ZFP90: variants seen among roughly 807,000 people sequenced by gnomAD.
ZFP90 encodes the protein ZFP90 zinc finger protein.
ZFP90 carries 38 observed loss-of-function variants against 60.8 expected under a neutral mutation model. That is an observed-to-expected ratio of 0.62 (90% CI 0.48 to 0.82). The LOEUF (loss-of-function observed/expected upper bound fraction) is 0.82. Ranked by LOEUF, ZFP90 falls within the 40% of genes least tolerant of loss-of-function variation. ZFP90 has a pLI of 0.00. For missense variants in ZFP90, 711 were observed against 759.1 expected, an observed-to-expected ratio of 0.94 and a Z score of 0.74; for synonymous variants, 287 against 264.8, an observed-to-expected ratio of 1.08 and a Z score of -0.82.
Position 68,564,715 on chromosome 16 carries a change from G to C in ZFP90, c.*17G>C. The C allele has an allele frequency of 6.3e-7, 1 of 1,576,514 alleles. No homozygotes were observed. The highest frequency in any genetic ancestry group is 8.6e-7 in the Non-Finnish European group (1 of 1,165,532). The stretch of plus-strand genomic sequence containing the variant: ...AAACTCTAGGAACCGTGAAATTAAG[G>C]AATTTGCAGAATGCTTTAGCTAAAA... On this transcript the variant is annotated 3_prime_UTR_variant, in exon 5 of 5. Transcript: ENST00000563169.
intron 2 of ZFP90, among the ~76,000 whole-genome samples, chr16:68,545,089 C>T (rs1053595991): frequency 9.2e-5 from 14 of 151,792 alleles, no homozygotes. Flanking sequence ...TCATGTTATC[C>T]AGGATGGTTT....
At chr16:68,561,647 G>A (rs1472736141) in intron 4 of ZFP90, among the ~76,000 whole-genome samples, 1 of 152,082 alleles carries the variant, frequency 6.6e-6, no homozygotes, top group South Asian at 2.1e-4. Context: ...TTATCTGTGT[G>A]GCAGAGCATA....
chr16:68,533,879 AT>A (rs1378018406), intron 2 of ZFP90: 1 of 152,140 alleles, frequency 6.6e-6, no homozygotes, highest in Non-Finnish European at 1.5e-5. Context: ...TCTCTCTAGG[AT>A]TTTAAAGATC....
Position 68,565,731 on chromosome 16 carries a change from A to AAT in ZFP90, c.*1033_*1034insAT. On this transcript the variant is annotated 3_prime_UTR_variant, in exon 5 of 5. Transcript: ENST00000563169. ...TTTCCCGTTAATTTTCTTGCAGAAA[A>AAT]GTTAAGTCTAATTGCCCATTGCCAT... The AAT allele has an allele frequency of 1.1e-6, 1 of 893,732 alleles. No homozygotes were observed. The highest frequency in any genetic ancestry group is 1.3e-6 in the Non-Finnish European group (1 of 788,278). The allele number at this position is 893,732 out of a possible 1,614,324, so 55.4% of individuals were successfully genotyped here.
chr16:68,563,121 C>G lies in ZFP90; in HGVS notation c.334C>G (p.Leu112Val). Residue 112 changes from leucine to valine, a missense_variant, in exon 5 of 5, where the codon CTC (leucine) becomes GTC (valine). Physicochemically the swap from Leu to Val is conservative, Grantham distance 32 (BLOSUM62 1). Around this residue, in one of 5 missense-constraint regions of ZFP90, gnomAD observed 241 missense variants for 247.6 expected, o/e 0.97. Coordinates refer to ENST00000563169, the MANE Select transcript of ZFP90 (RefSeq NM_001305203.2). ...AGAAGTATCCCACTGCACACATGAT[C>G]TCTTACATGCTACATTAGAAGACTC... The part of the protein sequence containing the change: ...VSEVSHCTHD[L>V]LHATLEDSWD... 6.2e-7 allele frequency: 1 copy of G among 1,614,122 alleles called. No individual in the cohort carries two copies. Among genetic ancestry groups the G allele is most frequent in the South Asian group, 1.1e-5 (1 of 91,080 alleles).
At chr16:68,573,909 G>C (rs368542534) in intron 2 of ZFP90, 1 of 152,072 alleles carries the variant, frequency 6.6e-6, no homozygotes, top group African/African-American at 2.4e-5. Context: ...AGTCGCTTTT[G>C]GTCTGCTCGG....
At chr16:68,539,109 G>C (rs2090986275), upstream of ZFP90, 1 of 152,256 alleles carries the variant, frequency 6.6e-6, no homozygotes, top group African/African-American at 2.4e-5. Flanking sequence ...ACAGTGACTG[G>C]AATACAGGGA....
At chr16:68,539,520 T>A in intron 1 of ZFP90, 41 bp downstream of exon 1, 1 of 472,394 alleles carries the variant, frequency 2.1e-6, no homozygotes, top group Non-Finnish European at 3.7e-6. Flanking sequence ...GTTTGGCGGG[T>A]GTCAGCCGGG....
intron 2 of ZFP90, among the ~76,000 whole-genome samples, chr16:68,540,529 C>CT (rs1274303138): frequency 6.6e-6 from 1 of 152,094 alleles, no homozygotes; most frequent in Non-Finnish European, 1.5e-5. Context: ...CGTCACAACT[C>CT]TAAGGTTATC....
intron 2 of ZFP90, among the ~76,000 whole-genome samples, chr16:68,572,565 G>A (rs2091573814): frequency 6.6e-6 from 1 of 152,210 alleles, no homozygotes; most frequent in East Asian, 1.9e-4. Context: ...GGCCCCTATA[G>A]ATATAAAAAC....
downstream of ZFP90, among the ~76,000 whole-genome samples, chr16:68,568,381 A>G (rs1330241170): frequency 2.0e-5 from 3 of 152,254 alleles, no homozygotes; most frequent in Admixed American, 6.5e-5. Flanking sequence ...GTTTCCTACC[A>G]ATTAGGCTGG....
chr16:68,539,928 T>A, intron 2 of ZFP90, 103 bp downstream of exon 2: 2 of 1,472,800 alleles, frequency 1.4e-6, no homozygotes, highest in African/African-American at 1.4e-5. Flanking sequence ...GCGACTCCCT[T>A]ACTTGCTTGG....
At chr16:68,567,169 G>T, downstream of ZFP90, 1 of 985,514 alleles carries the variant, frequency 1.0e-6, no homozygotes, top group Non-Finnish European at 1.2e-6. Context: ...TCAGAACTTG[G>T]CTAAGATTAA....
At chr16:68,569,264 G>A (rs1314502420), downstream of ZFP90, among the ~76,000 whole-genome samples, 1 of 150,578 alleles carries the variant, frequency 6.6e-6, no homozygotes, top group Non-Finnish European at 1.5e-5. Context: ...AGCCTCCTGA[G>A]TAGCTGGGAC....
intron 1 of ZFP90, 90 bp from the exon 2 acceptor site, chr16:68,539,668 G>A: frequency 9.7e-7 from 1 of 1,032,294 alleles, no homozygotes; most frequent in East Asian, 2.9e-5. Context: ...CTCCCCTGGA[G>A]ATGTGGTTTA....
At chr16:68,574,174 A>G (rs1718735208) in intron 2 of ZFP90, 1 of 139,856 alleles carries the variant, frequency 7.2e-6, no homozygotes, top group Non-Finnish European at 1.5e-5. Flanking sequence ...AAGTTGAACC[A>G]TATGAAATTG....
downstream of ZFP90, among the ~76,000 whole-genome samples, chr16:68,571,102 G>C (rs1410470605): frequency 6.6e-6 from 1 of 152,184 alleles, no homozygotes; most frequent in Admixed American, 6.5e-5. Flanking sequence ...CTTGTATCTT[G>C]GGGGAAAGTA....
intron 4 of ZFP90, 90 bp from the exon 5 acceptor site, chr16:68,562,954 T>C (rs1173595948): frequency 5.1e-6 from 8 of 1,566,856 alleles, no homozygotes; most frequent in Admixed American, 1.9e-5. Context: ...CAGAGTCATA[T>C]GTAACTTATA....
chr16:68,566,047 T>A lies in ZFP90; in HGVS notation c.*1349T>A. On this transcript the variant is annotated 3_prime_UTR_variant, in exon 5 of 5. Transcript: ENST00000563169. ...TACTCAGGAGGCTGAGGTGGGAGGA[T>A]CACTGGAACCCGGGAGCAGAGACTG... 1.1e-6 allele frequency: 1 copy of A among 905,362 alleles called. No homozygotes were observed. 56.1% of individuals were successfully genotyped at this position (905,362 alleles called of 1,614,324 possible).
Sources: gnomAD v4.1 joint callset for allele counts (sites outside exome capture counted in the v4.1 genomes callset) on GRCh38, gnomAD v4.1.1 for gene constraint, gnomAD v4.1.1 regional missense constraint, MANE v1.5 for transcripts, NCBI Gene and HGNC (gene_info 2026-07-23, HGNC 2026-07-21) for gene names.